Variants in ATP13A1 observed in about 807,000 individuals in gnomAD.
The protein encoded by ATP13A1 is ATPase 13A1, also known as endoplasmic reticulum transmembrane helix translocase.
Under a neutral mutation model 134.8 loss-of-function variants are expected in ATP13A1, and 55 were observed. The ratio of observed to expected loss-of-function variants is 0.41; its 90% CI spans 0.33 to 0.51. The LOEUF (loss-of-function observed/expected upper bound fraction) is 0.51, where lower values mean the gene tolerates loss of function less well. ATP13A1 is among the 20% of genes least tolerant of loss of function. The pLI is 0.29. For missense variants in ATP13A1, 1,389 were observed against 1,652.8 expected, an observed-to-expected ratio of 0.84 and a Z score of 2.77; for synonymous variants, 775 against 725.1, an observed-to-expected ratio of 1.07 and a Z score of -1.10.
chr19:19,660,027 C>T, intron 1 of ATP13A1, 40 bp from the exon 2 acceptor site: 1 of 1,528,570 alleles, frequency 6.5e-7, no homozygotes, highest in Non-Finnish European at 8.8e-7. Context: ...TAGCTCTTCT[C>T]AACCTACAGT....
chr19:19,652,237 A>G (rs1370245564), intron 16 of ATP13A1, among the ~76,000 whole-genome samples: 3 of 152,102 alleles, frequency 2.0e-5, no homozygotes, highest in African/African-American at 7.2e-5. Flanking sequence ...CCCAAAATAG[A>G]AAACACAAGC....
intron 1 of ATP13A1, among the ~76,000 whole-genome samples, chr19:19,660,262 A>T (rs2062085992): frequency 6.6e-6 from 1 of 152,146 alleles, no homozygotes; most frequent in African/African-American, 2.4e-5. Flanking sequence ...TGGGCGGATC[A>T]CTTGAGATCA....
intron 19 of ATP13A1, among the ~76,000 whole-genome samples, chr19:19,648,007 C>T (rs976711600): frequency 6.6e-6 from 1 of 152,154 alleles, no homozygotes; most frequent in Non-Finnish European, 1.5e-5. Flanking sequence ...AAACACACAA[C>T]ACGAGATAGG....
Position 19,649,760 on chromosome 19 carries a change from C to A in ATP13A1, c.2516G>T (p.Arg839Leu). The change falls in exon 18 of 26, where the codon CGT becomes CTT. Residue 839 changes from arginine (R) to leucine (L), a missense_variant. Arg to Leu is a moderately radical substitution (Grantham distance 102). This residue lies in a region of ATP13A1 where 747 missense variants were observed against 956.1 expected (regional missense o/e 0.78). Coordinates refer to ENST00000357324, the MANE Select transcript of ATP13A1 (RefSeq NM_020410.3). ...RLIPHVQVFA[R>L]VAPKQKEFVI... ...ACATACCTTCTGCTTGGGAGCCACA[C>A]GGGCGAACACCTGCACATGGGGGAT... 1 of 1,600,244 alleles carries A rather than the reference C, an allele frequency of 6.2e-7. No individual in the cohort carries two copies.
chr19:19,655,776 C>A lies in ATP13A1; in HGVS notation c.1269+102G>T. 2.0e-6 allele frequency: 3 copies of A among 1,533,790 alleles called. No individual in the cohort carries two copies. Among genetic ancestry groups the A allele is most frequent in the Non-Finnish European group, 1.8e-6 (2 of 1,139,472 alleles). On this transcript the variant is annotated intron_variant, in intron 9 of 25. Transcript: ENST00000357324. This position sits in a 1 kb window ranked among gnomAD's most constrained non-coding sequence, Gnocchi z 5.7. Reference sequence around the variant, plus strand: ...CTGGCCCAGGTCCAGGGCCGTGCTGCCAGAGTCAGCCCGTGGGGCAGATGT... The same window carrying A: ...CTGGCCCAGGTCCAGGGCCGTGCTGACAGAGTCAGCCCGTGGGGCAGATGT...
Position 19,653,149 on chromosome 19 carries a change from G to A in ATP13A1, c.2101-429C>T, listed in dbSNP as rs2145003837. On this transcript the variant is annotated intron_variant, in intron 15 of 25. Coordinates refer to ENST00000357324, the MANE Select transcript of ATP13A1 (RefSeq NM_020410.3). This position sits in a 1 kb window ranked among gnomAD's most constrained non-coding sequence, Gnocchi z 4.2. The stretch of plus-strand genomic sequence containing the variant: ...TGCACCAGGGGAGACGCATGATCAA[G>A]AAAGTCACAGAAATCGGAGTGCTGA... 5.6e-6 allele frequency: 1 copy of A among 177,978 alleles called. No individual in the cohort carries two copies. Among genetic ancestry groups the A allele is most frequent in the South Asian group, 1.3e-4 (1 of 7,922 alleles). The allele number at this position is 177,978 out of a possible 1,614,324, so 11.0% of individuals were successfully genotyped here.
chr19:19,647,764 G>T lies in ATP13A1; in HGVS notation c.2633-5C>A. ...CATTGGCCAAGAGCGCCACACCTGG[G>T]GGGCAGGAGGGTGTCAGACCCGGAG... On this transcript the variant is annotated splice_region_variant and splice_polypyrimidine_tract_variant and intron_variant, in intron 19 of 25. Coordinates refer to ENST00000357324, the MANE Select transcript of ATP13A1 (RefSeq NM_020410.3). The surrounding 1 kb of genome is among the most constrained non-coding windows in gnomAD (Gnocchi z 4.8). The T allele has an allele frequency of 1.3e-6, 2 of 1,588,376 alleles. No homozygotes were observed. The highest frequency in any genetic ancestry group is 8.5e-7 in the Non-Finnish European group (1 of 1,172,990).
rs186882873 is a variant in ATP13A1, at chr19:19,649,673, C to T, written c.2536-10G>A. On this transcript the variant is annotated splice_polypyrimidine_tract_variant and intron_variant, in intron 18 of 25. Transcript: ENST00000357324. ...TGGTGATGACAAACTCCTGTATGGG[C>T]GGAGACAGGCTGAGCAGGGGCTGCG... The T allele has an allele frequency of 7.8e-5, 126 of 1,613,740 alleles. No individual in the cohort carries two copies. The highest frequency in any genetic ancestry group is 9.9e-5 in the Non-Finnish European group (117 of 1,179,850).
intron 23 of ATP13A1, 43 bp from the exon 24 acceptor site, chr19:19,646,028 G>C: frequency 6.2e-7 from 1 of 1,604,018 alleles, no homozygotes; most frequent in South Asian, 1.1e-5. Flanking sequence ...TCCTGCTCCG[G>C]CTCACACACA....
chr19:19,650,964 T>G (rs946141657), intron 17 of ATP13A1: 22 of 152,256 alleles, frequency 1.4e-4, no homozygotes, highest in African/African-American at 5.3e-4. Context: ...TTCATCAATC[T>G]GAATCCAGGG....
At position 19,655,513 on chromosome 19, in the gene ATP13A1, G is replaced by A. The variant is rs566223726; in HGVS notation, c.1396+15C>T. The A allele has an allele frequency of 4.3e-6, 7 of 1,614,030 alleles. No homozygotes were observed. In the South Asian group the frequency reaches 7.7e-5, roughly 18 times the overall value. ...GAGGGTGGGCGCAGGGGACCACAGAGGCCGTGGCGCTTACCTTCAATCCAT... is the reference window on the plus strand; with the variant it reads ...GAGGGTGGGCGCAGGGGACCACAGAAGCCGTGGCGCTTACCTTCAATCCAT... On this transcript the variant is annotated intron_variant, in intron 10 of 25. Transcript: ENST00000357324. The surrounding 1 kb of genome is among the most constrained non-coding windows in gnomAD (Gnocchi z 5.7).
chr19:19,655,517 G>A lies in ATP13A1; in HGVS notation c.1396+11C>T, dbSNP rs370786617. On this transcript the variant is annotated intron_variant, in intron 10 of 25. Coordinates refer to ENST00000357324, the MANE Select transcript of ATP13A1 (RefSeq NM_020410.3). The surrounding 1 kb of genome is among the most constrained non-coding windows in gnomAD (Gnocchi z 5.7). ...GTGGGCGCAGGGGACCACAGAGGCCGTGGCGCTTACCTTCAATCCATACAT... is the reference window on the plus strand; with the variant it reads ...GTGGGCGCAGGGGACCACAGAGGCCATGGCGCTTACCTTCAATCCATACAT... 6.3e-5 allele frequency: 102 copies of A among 1,613,986 alleles called. No homozygotes were observed. Among genetic ancestry groups the A allele is most frequent in the Middle Eastern group, 1.6e-4 (1 of 6,062 alleles).
chr19:19,661,985 A>G (rs1036012810), intron 1 of ATP13A1: 1 of 1,515,706 alleles, frequency 6.6e-7, no homozygotes, highest in Non-Finnish European at 8.9e-7. Context: ...AGTAGTTGTT[A>G]GTTACGGTTC....
At chr19:19,651,522 T>G (rs1337306767) in intron 17 of ATP13A1, 167 bp downstream of exon 17, 1 of 527,558 alleles carries the variant, frequency 1.9e-6, no homozygotes, top group Non-Finnish European at 3.4e-6. Flanking sequence ...CAGTGAACGC[T>G]CACATGCTGT....
chr19:19,646,819 T>G (rs1169237344), intron 22 of ATP13A1: 3 of 445,884 alleles, frequency 6.7e-6, no homozygotes, highest in African/African-American at 3.9e-5. Flanking sequence ...GCCTGTCCTG[T>G]GTAGCCTATG....
Position 19,655,911 on chromosome 19 carries a change from G to C in ATP13A1, c.1236C>G (p.Ala412=). The change falls in exon 9 of 26, where the codon GCC becomes GCG. Residue 412 remains alanine (A), a synonymous_variant. Transcript: ENST00000357324. The surrounding 1 kb of genome is among the most constrained non-coding windows in gnomAD (Gnocchi z 5.7). ...TGTTGAATCCGGTCCGCAGGACGTA[G>C]GCCACGCACCCGCTGTCAACCGCTG... ...GLKPVDSGCV[A]YVLRTGFNTS... The C allele has an allele frequency of 6.3e-7, 1 of 1,599,294 alleles. No individual in the cohort carries two copies. Among genetic ancestry groups the C allele is most frequent in the Admixed American group, 1.7e-5 (1 of 59,054 alleles).
intron 15 of ATP13A1, 22 bp from the exon 16 acceptor site, chr19:19,652,742 C>T (rs1383619837): frequency 6.3e-7 from 1 of 1,592,012 alleles, no homozygotes. Flanking sequence ...CAGGGGCACC[C>T]TCACCATCTG....
At chr19:19,662,320 G>C (rs979631550) in intron 1 of ATP13A1, 1 of 985,308 alleles carries the variant, frequency 1.0e-6, no homozygotes, top group East Asian at 1.1e-4. Context: ...TTGTCTCTCA[G>C]GAGAGGAGAA....
Position 19,659,273 on chromosome 19 carries a change from G to A in ATP13A1, c.677+328C>T, listed in dbSNP as rs553953412. On this transcript the variant is annotated intron_variant, in intron 3 of 25. Transcript: ENST00000357324. ...AGTTCAAGACCAGCCTGGCCAACATGGTGAAACCCCCATCTCTACTAAAAA... is the reference window on the plus strand; with the variant it reads ...AGTTCAAGACCAGCCTGGCCAACATAGTGAAACCCCCATCTCTACTAAAAA... 6.6e-5 allele frequency among the ~76,000 whole-genome samples: 10 copies of A among 152,230 alleles called. No individual in the cohort carries two copies. The South Asian group carries it at 2.1e-3, about 32-fold the overall frequency.
Sources: gnomAD v4.1 joint callset for allele counts (sites outside exome capture counted in the v4.1 genomes callset) on GRCh38, gnomAD v4.1.1 for gene constraint, gnomAD v4.1.1 regional missense constraint, Gnocchi (gnomAD v3.1) non-coding constraint, MANE v1.5 for transcripts, NCBI Gene and HGNC (gene_info 2026-07-23, HGNC 2026-07-21) for gene names.